C1orf146: variants seen among roughly 807,000 people sequenced by gnomAD.
The protein encoded by C1orf146 is protein SPO16 homolog.
A neutral mutation model predicts 23.0 loss-of-function variants in C1orf146; 22 were observed. The ratio of observed to expected loss-of-function variants is 0.96; its 90% confidence interval spans 0.68 to 1.36. C1orf146 has a LOEUF of 1.36. Ranked by LOEUF, C1orf146 falls within the 40% of genes most tolerant of loss-of-function variation. The probability of loss-of-function intolerance (pLI) is 0.00; values close to 1 mark genes in which losing one functional copy is unlikely to be tolerated. For missense variants in C1orf146, 199 were observed against 206.8 expected (o/e 0.96, Z 0.23); for synonymous variants, 59 against 65.3 (o/e 0.90, Z 0.47).
At chr1:92,233,147 C>T (rs980713088) in intron 2 of C1orf146, among the ~76,000 whole-genome samples, 1 of 152,106 alleles carries the variant, frequency 6.6e-6, no homozygotes, top group Non-Finnish European at 1.5e-5. Flanking sequence ...GCTTTTGTTG[C>T]CATTGCTTTT....
At chr1:92,237,274 A>C (rs1043892243) in intron 2 of C1orf146, among the ~76,000 whole-genome samples, 4 of 152,048 alleles carry the variant, frequency 2.6e-5, no homozygotes, top group Admixed American at 2.6e-4. Context: ...TGATGTACAG[A>C]TGGGTTTTTG....
Position 92,245,763 on chromosome 1 carries a change from TATTA to T in C1orf146, c.*93_*96del. On this transcript the variant is annotated 3_prime_UTR_variant, in exon 6 of 6. Transcript: ENST00000370375. ...TCAAATATCTATTTAAAGACATTTATATTAATTTGAAATAATAACATATACAATT... is the reference window on the plus strand; with the variant it reads ...TCAAATATCTATTTAAAGACATTTATATTTGAAATAATAACATATACAATT... 1 of 802,558 alleles carries T rather than the reference TATTA, an allele frequency of 1.2e-6. No homozygotes were observed. The allele number at this position is 802,558 out of a possible 1,614,324, so 49.7% of individuals were successfully genotyped here. A position where few individuals can be genotyped will look rare whatever the true frequency, so the allele number is the denominator to read the frequency against.
At chr1:92,219,356 A>G (rs1651762884) in intron 1 of C1orf146, among the ~76,000 whole-genome samples, 1 of 152,152 alleles carries the variant, frequency 6.6e-6, no homozygotes, top group Admixed American at 6.5e-5. Flanking sequence ...TCATTCATTC[A>G]TGCAATAAAT....
At chr1:92,221,156 A>G (rs917599732) in intron 1 of C1orf146, among the ~76,000 whole-genome samples, 3 of 152,220 alleles carry the variant, frequency 2.0e-5, no homozygotes, top group African/African-American at 7.2e-5. Flanking sequence ...CAGCCATGAA[A>G]AGAAAGAAAT....
intron 4 of C1orf146, 58 bp from the exon 5 acceptor site, chr1:92,244,718 TTTC>T (rs1652535159): frequency 2.8e-6 from 3 of 1,068,342 alleles, no homozygotes; most frequent in Non-Finnish European, 4.2e-6. Context: ...TTCTTTCCAC[TTTC>T]TTAAGAGAAC....
At chr1:92,240,936 GGTTA>G (rs747600341) in intron 2 of C1orf146, 20 of 462,304 alleles carry the variant, frequency 4.3e-5, no homozygotes, top group South Asian at 2.8e-4. Context: ...TATTTGAAAT[GGTTA>G]GTATTAAAAC....
chr1:92,230,340 C>T (rs1353966528), intron 1 of C1orf146, among the ~76,000 whole-genome samples: 2 of 151,504 alleles, frequency 1.3e-5, no homozygotes. Context: ...TGGCCAGGCG[C>T]GATGGCTCAT....
intron 1 of C1orf146, among the ~76,000 whole-genome samples, chr1:92,225,927 A>G (rs1169454667): frequency 6.6e-6 from 1 of 152,188 alleles, no homozygotes; most frequent in African/African-American, 2.4e-5. Flanking sequence ...GACAACATAT[A>G]GTTGGATTTT....
chr1:92,218,946 G>A (rs2100721959), intron 1 of C1orf146, among the ~76,000 whole-genome samples: 1 of 152,216 alleles, frequency 6.6e-6, no homozygotes, highest in African/African-American at 2.4e-5. Flanking sequence ...AGGGACTTGG[G>A]ACACGACTGA....
chr1:92,232,294 G>A (rs930638801), intron 2 of C1orf146, among the ~76,000 whole-genome samples: 7 of 129,132 alleles, frequency 5.4e-5, no homozygotes, highest in African/African-American at 1.2e-4. Flanking sequence ...AGAGTGTGAT[G>A]TTCCCCTTCC....
chr1:92,244,651 T>A (rs1652528887), intron 4 of C1orf146, 128 bp from the exon 5 acceptor site: 7 of 662,330 alleles, frequency 1.1e-5, no homozygotes, highest in Non-Finnish European at 1.8e-5. Context: ...AAATCCTCTG[T>A]GGAGTAAGGC....
intron 3 of C1orf146, among the ~76,000 whole-genome samples, chr1:92,243,510 C>G (rs1278295791): frequency 6.6e-6 from 1 of 152,080 alleles, no homozygotes; most frequent in Non-Finnish European, 1.5e-5. Context: ...CCACACCCAG[C>G]TAATTTTTGT....
At chr1:92,231,512 C>G (rs1652119738) in intron 2 of C1orf146, 26 bp downstream of exon 2, 2 of 1,526,692 alleles carry the variant, frequency 1.3e-6, no homozygotes, top group African/African-American at 2.8e-5. Context: ...GGCCACTGAT[C>G]TTTAACTTAA....
intron 5 of C1orf146, 148 bp from the exon 6 acceptor site, chr1:92,245,392 T>C: frequency 3.4e-6 from 2 of 592,092 alleles, no homozygotes; most frequent in Non-Finnish European, 5.8e-6. Flanking sequence ...ATTTTCCTGT[T>C]GACTACTCTA....
chr1:92,241,430 G>A (rs1044697268), intron 2 of C1orf146, among the ~76,000 whole-genome samples: 10 of 151,632 alleles, frequency 6.6e-5, no homozygotes, highest in African/African-American at 2.4e-4. Context: ...TTGAACTTCT[G>A]GACTCAAATG....
intron 2 of C1orf146, among the ~76,000 whole-genome samples, chr1:92,231,986 C>G (rs1188687959): frequency 6.6e-6 from 1 of 152,128 alleles, no homozygotes; most frequent in Non-Finnish European, 1.5e-5. Context: ...ATTTATCTTA[C>G]GGACACCAGC....
At chr1:92,228,290 T>C (rs571923593) in intron 1 of C1orf146, among the ~76,000 whole-genome samples, 2 of 152,320 alleles carry the variant, frequency 1.3e-5, no homozygotes, top group South Asian at 2.1e-4. Context: ...TTTGAACAAA[T>C]TAATCATTTA....
chr1:92,245,645 C>G lies in C1orf146; in HGVS notation c.514C>G (p.Leu172Val), dbSNP rs1030222959. The G allele has an allele frequency of 1.3e-6, 2 of 1,590,046 alleles. No individual in the cohort carries two copies. Among genetic ancestry groups the G allele is most frequent in the African/African-American group, 1.4e-5 (1 of 73,782 alleles). ...PVWKTLQKIK[L>V]NSDSVNPN ...TTGGAAAACACTTCAGAAGATAAAA[C>G]TGAATAGTGATTCAGTTAACCCAAA... Residue 172 changes from leucine (L) to valine (V), a missense_variant, in exon 6 of 6, where the codon CTG becomes GTG. Transcript: ENST00000370375.
chr1:92,226,593 ACTTT>A, intron 1 of C1orf146, among the ~76,000 whole-genome samples: 1 of 152,306 alleles, frequency 6.6e-6, no homozygotes, highest in East Asian at 1.9e-4. Flanking sequence ...TATGGTAGCA[ACTTT>A]CTTTTGGTTA....
Sources: allele counts gnomAD v4.1 joint callset (sites outside exome capture counted in the v4.1 genomes callset), GRCh38; gene constraint gnomAD v4.1.1; transcripts MANE v1.5; gene names NCBI Gene and HGNC (gene_info 2026-07-23, HGNC 2026-07-21).